PRDM8: variants seen among roughly 807,000 people sequenced by gnomAD.
PRDM8 encodes PR/SET domain 8.
PRDM8 carries 13 observed loss-of-function variants against 46.5 expected under a neutral mutation model. The ratio of observed to expected loss-of-function variants is 0.28; its 90% CI spans 0.18 to 0.44. PRDM8 has a LOEUF of 0.44. PRDM8 is among the 20% of genes least tolerant of loss of function. The pLI is 1.00. For missense variants in PRDM8, 998 were observed against 955.0 expected (o/e 1.04, Z -0.59); for synonymous variants, 473 against 438.4 (o/e 1.08, Z -0.98).
intron 1 of PRDM8, among the ~76,000 whole-genome samples, chr4:80,198,994 GTTTTTTTT>G (rs1310531623): frequency 1.6e-5 from 1 of 63,512 alleles, no homozygotes; most frequent in African/African-American, 1.0e-4. Context: ...TTTTTTTTTT[GTTTTTTTT>G]TTTTTTTTTT....
At position 80,188,225 on chromosome 4, in the gene PRDM8, G is replaced by A. The variant is rs954865426; in HGVS notation, c.-983+2707G>A. ...AGATTTTAAAAATTCTATTTACCCA[G>A]CATTCCAAAGCAGAAGACACTGAGC... On this transcript the variant is annotated intron_variant, in intron 1 of 9. Transcript: ENST00000339711. Among the ~76,000 whole-genome samples the A allele has an allele frequency of 5.9e-5, 9 of 152,148 alleles. No homozygotes were observed. In the East Asian group the frequency reaches 1.7e-3, roughly 29 times the overall value.
At chr4:80,189,303 G>T (rs1435820756) in intron 1 of PRDM8, among the ~76,000 whole-genome samples, 1 of 152,136 alleles carries the variant, frequency 6.6e-6, no homozygotes, top group South Asian at 2.1e-4. Context: ...CCTGACCCTT[G>T]GCGCCTCTAC....
At chr4:80,194,305 G>T (rs1737783109), upstream of PRDM8, 6 of 804,124 alleles carry the variant, frequency 7.5e-6, no homozygotes, top group Non-Finnish European at 9.0e-6. Context: ...TCCTAGGGAA[G>T]AGAGCTCCAA....
At chr4:80,193,338 A>T (rs1388436299), upstream of PRDM8, among the ~76,000 whole-genome samples, 1 of 152,104 alleles carries the variant, frequency 6.6e-6, no homozygotes, top group Non-Finnish European at 1.5e-5. Context: ...AGCCCTTCCC[A>T]CACCCCACCC....
chr4:80,193,413 A>C (rs1363278049), upstream of PRDM8, among the ~76,000 whole-genome samples: 1 of 152,164 alleles, frequency 6.6e-6, no homozygotes, highest in Non-Finnish European at 1.5e-5. Flanking sequence ...AATGTAAAAC[A>C]AACAAACAAA....
chr4:80,186,320 T>A (rs1401858488), intron 1 of PRDM8, among the ~76,000 whole-genome samples: 1 of 151,748 alleles, frequency 6.6e-6, no homozygotes, highest in Non-Finnish European at 1.5e-5. Context: ...TTAGATTTAC[T>A]TTTGCAGCCT....
In PRDM8 at chr4:80,197,704, T is replaced by C; in HGVS notation, c.-62T>C. On this transcript the variant is annotated 5_prime_UTR_variant, in exon 1 of 4. Transcript: ENST00000415738. ...ACAATAGGCAAAAGGAAACACTCGA[T>C]TGCATCTTCCCGGTTCCAGGTGGCC... 1 of 982,676 alleles carries C rather than the reference T, an allele frequency of 1.0e-6. No individual in the cohort carries two copies. The allele number at this position is 982,676 out of a possible 1,614,324, so 60.9% of individuals were successfully genotyped here.
At chr4:80,190,725 G>A (rs192850813) in intron 1 of PRDM8, among the ~76,000 whole-genome samples, 1 of 152,344 alleles carries the variant, frequency 6.6e-6, no homozygotes, top group East Asian at 1.9e-4. Flanking sequence ...AGTCTAGCAG[G>A]CACTTCTGTG....
At chr4:80,192,364 C>G (rs1489819091) in intron 2 of PRDM8, among the ~76,000 whole-genome samples, 1 of 152,206 alleles carries the variant, frequency 6.6e-6, no homozygotes, top group African/African-American at 2.4e-5. Flanking sequence ...GGGATGATGT[C>G]CATTCTCCTG....
At chr4:80,201,037 C>A (rs891015625) in intron 2 of PRDM8, among the ~76,000 whole-genome samples, 1 of 152,118 alleles carries the variant, frequency 6.6e-6, no homozygotes, top group African/African-American at 2.4e-5. Context: ...AGTATTCAAC[C>A]AATATATAAA....
Position 80,203,219 on chromosome 4 carries a change from C to T in PRDM8, c.1757C>T (p.Ser586Phe), listed in dbSNP as rs1231619699. 6.4e-7 allele frequency: 1 copy of T among 1,552,728 alleles called. No homozygotes were observed. Among genetic ancestry groups the T allele is most frequent in the Non-Finnish European group, 8.7e-7 (1 of 1,150,628 alleles). ...GCCACCGCCTTCTGGCCCAAGAGCT[C>T]CGCTGCCGCTGCAGCCGCGGCTGCG... ...LYATAFWPKS[S>F]AAAAAAAAAA... Residue 586 changes from serine (S) to phenylalanine (F), a missense_variant, in exon 4 of 4, where the codon TCC becomes TTC. Coordinates refer to ENST00000415738, the MANE Select transcript of PRDM8 (RefSeq NM_001099403.2).
Position 80,203,016 on chromosome 4 carries a change from G to A in PRDM8, c.1554G>A (p.Gln518=). 1.3e-6 allele frequency: 2 copies of A among 1,530,506 alleles called. No homozygotes were observed. The highest frequency in any genetic ancestry group is 1.7e-6 in the Non-Finnish European group (2 of 1,148,018). The allele number at this position is 1,530,506 out of a possible 1,614,324, so 94.8% of individuals were successfully genotyped here. ...FSQLSPLVLG[Q]KLGALEPCHP... ...AGCTGTCCCCGCTGGTGCTGGGCCA[G>A]AAGCTGGGCGCGCTCGAGCCATGCC... is the stretch of plus-strand genomic sequence containing the variant. The change falls in exon 4 of 4, where the codon CAG becomes CAA. Residue 518 remains glutamine (Q), a synonymous_variant. Transcript: ENST00000415738.
chr4:80,203,151 G>GAGCGGC lies in PRDM8; in HGVS notation c.1690_1695dup (p.Ser564_Gly565dup), dbSNP rs1738693331. On this transcript the variant is annotated inframe_insertion, in exon 4 of 4. Transcript: ENST00000415738. ...TGAACGGAGGTTGCGGGTCCCTGCCGAGCGGCGGCGGCGGCCTGCCTAAGC... is the reference window on the plus strand; with the variant it reads ...TGAACGGAGGTTGCGGGTCCCTGCCGAGCGGCAGCGGCGGCGGCGGCCTGCCTAAGC... 1 of 1,546,140 alleles carries GAGCGGC rather than the reference G, an allele frequency of 6.5e-7. No individual in the cohort carries two copies. Among genetic ancestry groups the GAGCGGC allele is most frequent in the Non-Finnish European group, 8.7e-7 (1 of 1,153,586 alleles).
intron 3 of PRDM8, 43 bp from the exon 4 acceptor site, chr4:80,201,871 T>TGTGTGC: frequency 6.3e-7 from 1 of 1,595,328 alleles, no homozygotes; most frequent in Non-Finnish European, 8.5e-7. Flanking sequence ...TGTGTGTGTG[T>TGTGTGC]GTGTGCGTGC....
At chr4:80,200,558 C>A (rs77219644) in intron 2 of PRDM8, among the ~76,000 whole-genome samples, 9,397 of 152,210 alleles carry the variant, frequency 0.062, 952 homozygotes, top group African/African-American at 0.21. Flanking sequence ...TCTGGATTAT[C>A]CTGGTGATGA....
chr4:80,187,638 C>T (rs1173551582), intron 1 of PRDM8, among the ~76,000 whole-genome samples: 4 of 152,142 alleles, frequency 2.6e-5, no homozygotes, highest in African/African-American at 9.7e-5. Context: ...TTCTCTTCAC[C>T]TGAGTTTTAC....
intron 1 of PRDM8, among the ~76,000 whole-genome samples, chr4:80,186,439 G>GAGAGAGAGAGAGAGAGAT (rs1737089235): frequency 6.6e-6 from 1 of 151,544 alleles, no homozygotes; most frequent in Admixed American, 6.6e-5. Flanking sequence ...TGGAGAGAGA[G>GAGAGAGAGAGAGAGAGAT]AGAGAGAGAG....
chr4:80,203,240 CTGCGGCGGCGGCCGCGGG>C lies in PRDM8; in HGVS notation c.1779_1796del (p.Ala594_Gly599del), dbSNP rs574748973. 6.0e-5 allele frequency: 93 copies of C among 1,555,434 alleles called. No individual in the cohort carries two copies. In the East Asian group the frequency reaches 1.4e-3, roughly 23 times the overall value. On this transcript the variant is annotated inframe_deletion, in exon 4 of 4. Transcript: ENST00000415738. ...AGCTCCGCTGCCGCTGCAGCCGCGG[CTGCGGCGGCGGCCGCGGG>C]GCCCTTGCAGCTGCAGCTGCCCTCG...
Position 80,203,073 on chromosome 4 carries a change from C to A in PRDM8, c.1611C>A (p.Leu537=). 1 of 1,567,826 alleles carries A rather than the reference C, an allele frequency of 6.4e-7. No homozygotes were observed. The highest frequency in any genetic ancestry group is 2.4e-5 in the East Asian group (1 of 42,360). The stretch of plus-strand genomic sequence containing the variant: ...CCGACGGCGTGGGCCCCACCAGACT[C>A]TATCCCGCCGCCGCGGACCCTCTAG... ...HPADGVGPTR[L]YPAAADPLAV... The change falls in exon 4 of 4, where the codon CTC becomes CTA. Residue 537 remains leucine, a synonymous_variant. Transcript: ENST00000415738.
Sources: allele counts gnomAD v4.1 joint callset (sites outside exome capture counted in the v4.1 genomes callset), GRCh38; gene constraint gnomAD v4.1.1; transcripts MANE v1.5; gene names NCBI Gene and HGNC (gene_info 2026-07-23, HGNC 2026-07-21).